Variants in SELPLG observed in about 807,000 individuals in gnomAD.
SELPLG encodes selectin P ligand.
SELPLG carries 2 observed loss-of-function variants against 1.1 expected under a neutral mutation model. That is an observed-to-expected ratio of 1.82 (90% CI 0.74 to 5.71). SELPLG has a LOEUF of 5.71. SELPLG is among the 30% of genes most tolerant of loss of function. The pLI is 0.05. For synonymous variants in SELPLG, 230 were observed against 221.2 expected, an observed-to-expected ratio of 1.04 and a Z score of -0.35; for missense variants, 478 against 524.7, an observed-to-expected ratio of 0.91 and a Z score of 0.87.
chr12:108,623,130 G>C lies in SELPLG; in HGVS notation c.1178C>G (p.Thr393Arg), dbSNP rs145775085. ...CTCACGGTCCTCCCTGGGCTCTGGC[G>C]TCAGGCCCGGGCTCTTGGCCTTGGA... ...GLSKAKSPGL[T>R]PEPREDREGD... Residue 393 changes from threonine to arginine, a missense_variant, in exon 2 of 2, where the codon ACG (threonine) becomes AGG (arginine). Physicochemically the swap from Thr to Arg is moderately conservative, Grantham distance 71 (BLOSUM62 -1). Coordinates refer to ENST00000550948, the MANE Select transcript of SELPLG (RefSeq NM_003006.4). 4 of 1,592,564 alleles carry C rather than the reference G, an allele frequency of 2.5e-6. No homozygotes were observed. Among genetic ancestry groups the C allele is most frequent in the Non-Finnish European group, 3.4e-6 (4 of 1,170,032 alleles).
intron 1 of SELPLG, among the ~76,000 whole-genome samples, chr12:108,628,072 C>A (rs1449596355): frequency 6.6e-6 from 1 of 151,894 alleles, no homozygotes; most frequent in African/African-American, 2.4e-5. Flanking sequence ...CAAAGCAAGA[C>A]CCTGCCTCAA....
chr12:108,629,583 C>T (rs2032007302), intron 1 of SELPLG, among the ~76,000 whole-genome samples: 2 of 152,174 alleles, frequency 1.3e-5, no homozygotes, highest in South Asian at 4.1e-4. Flanking sequence ...GCTGGTGATG[C>T]CTGTAGTCCC....
At chr12:108,628,212 G>A (rs8179159) in intron 1 of SELPLG, among the ~76,000 whole-genome samples, 590 of 152,172 alleles carry the variant, frequency 3.9e-3, no homozygotes, top group Non-Finnish European at 6.1e-3. Context: ...GCAGTGAGCC[G>A]AGATTGTACC....
In SELPLG at chr12:108,623,658, G is replaced by A; in HGVS notation, c.650C>T (p.Ala217Val). 8 of 1,533,684 alleles carry A rather than the reference G, an allele frequency of 5.2e-6. No individual in the cohort carries two copies. Among genetic ancestry groups the A allele is most frequent in the Non-Finnish European group, 7.0e-6 (8 of 1,144,968 alleles). ...TTGAGTGGTCTGTGCCTCCATGGCT[G>A]CTGGTGGAGTGGTCTGTGCTTCCAT... is the stretch of plus-strand genomic sequence containing the variant. ...AAMEAQTTPP[A>V]AMEAQTTQTT... Residue 217 changes from alanine (A) to valine (V), a missense_variant, in exon 2 of 2, where the codon GCA (alanine) becomes GTA (valine). Coordinates refer to ENST00000550948, the MANE Select transcript of SELPLG (RefSeq NM_003006.4).
chr12:108,623,554 G>C lies in SELPLG; in HGVS notation c.754C>G (p.Gln252Glu). Residue 252 changes from glutamine (Q) to glutamate (E), a missense_variant, in exon 2 of 2, where the codon CAG becomes GAG. Coordinates refer to ENST00000550948, the MANE Select transcript of SELPLG (RefSeq NM_003006.4). ...TCCATGGCTGCCAGTGGAGTGGTCT[G>C]TGCCTCCGTGGCTGTGGGTTGAGTG... Reference protein sequence around the residue: ...QTTQPTATEAQTTPLAAMEAL... With the variant: ...QTTQPTATEAETTPLAAMEAL... 1 of 1,614,032 alleles carries C rather than the reference G, an allele frequency of 6.2e-7. No homozygotes were observed. The highest frequency in any genetic ancestry group is 8.5e-7 in the Non-Finnish European group (1 of 1,179,890).
rs961317268 is a variant in SELPLG at position 108,622,431 on chromosome 12, A to C, written c.*638T>G. 1 of 152,382 alleles carries C rather than the reference A, an allele frequency of 6.6e-6. No homozygotes were observed. The highest frequency in any genetic ancestry group is 6.5e-5 in the Admixed American group (1 of 15,282). 9.4% of individuals were successfully genotyped at this position (152,382 alleles called of 1,614,324 possible). On this transcript the variant is annotated 3_prime_UTR_variant, in exon 2 of 2. Transcript: ENST00000550948. Reference sequence around the variant, plus strand: ...TAGATGGAAGCTCCTTGGTCCACACAGTCCCAAAGAAAGGTCTGCCCTTGG... The same window carrying C: ...TAGATGGAAGCTCCTTGGTCCACACCGTCCCAAAGAAAGGTCTGCCCTTGG...
At chr12:108,627,498 T>G (rs1382962397) in intron 1 of SELPLG, among the ~76,000 whole-genome samples, 1 of 152,218 alleles carries the variant, frequency 6.6e-6, no homozygotes, top group Non-Finnish European at 1.5e-5. Context: ...GATGTTCAAG[T>G]CCTAGCTCTG....
At chr12:108,630,352 G>A (rs1002908369) in intron 1 of SELPLG, among the ~76,000 whole-genome samples, 1 of 152,220 alleles carries the variant, frequency 6.6e-6, no homozygotes, top group Non-Finnish European at 1.5e-5. Context: ...AAAGATCCTC[G>A]TGGGGCTCCA....
At chr12:108,626,001 T>C (rs2031928860) in intron 1 of SELPLG, among the ~76,000 whole-genome samples, 1 of 152,160 alleles carries the variant, frequency 6.6e-6, no homozygotes, top group East Asian at 1.9e-4. Flanking sequence ...ATTCACATGA[T>C]TTGGAGGAAC....
intron 1 of SELPLG, 32 bp from the exon 2 acceptor site, chr12:108,624,344 A>C (rs1013092859): frequency 3.8e-6 from 6 of 1,598,586 alleles, no homozygotes; most frequent in Non-Finnish European, 5.1e-6. Flanking sequence ...AGGGATGTCA[A>C]GACAGTTTCA....
Position 108,623,197 on chromosome 12 carries a change from C to G in SELPLG, c.1111G>C (p.Asp371His), listed in dbSNP as rs1396765336. The G allele has an allele frequency of 6.2e-7, 1 of 1,613,976 alleles. No homozygotes were observed. The highest frequency in any genetic ancestry group is 1.7e-5 in the Admixed American group (1 of 59,986). ...GTGGCAGAGGGCCCCTCACCCCCATCAGGCAACAGGGATGAGATGCAGACC... is the reference window on the plus strand; with the variant it reads ...GTGGCAGAGGGCCCCTCACCCCCATGAGGCAACAGGGATGAGATGCAGACC... ...EMVCISSLLP[D>H]GGEGPSATAN... Residue 371 changes from aspartate (D) to histidine (H), a missense_variant, in exon 2 of 2, where the codon GAT becomes CAT. Coordinates refer to ENST00000550948, the MANE Select transcript of SELPLG (RefSeq NM_003006.4).
At chr12:108,629,562 T>C (rs2032006658) in intron 1 of SELPLG, among the ~76,000 whole-genome samples, 1 of 152,076 alleles carries the variant, frequency 6.6e-6, no homozygotes, top group Non-Finnish European at 1.5e-5. Context: ...AATTAAAAAT[T>C]AGCCAGGTAT....
At position 108,623,231 on chromosome 12, in the gene SELPLG, G is replaced by T. The variant is rs1486822656; in HGVS notation, c.1077C>A (p.Pro359=). 6.2e-7 allele frequency: 1 copy of T among 1,614,096 alleles called. No homozygotes were observed. Among genetic ancestry groups the T allele is most frequent in the Non-Finnish European group, 8.5e-7 (1 of 1,179,966 alleles). ...GGGATGAGATGCAGACCATCTCGGTGGGGGAGTAATTACGCACGGGGTACA... is the reference window on the plus strand; with the variant it reads ...GGGATGAGATGCAGACCATCTCGGTTGGGGAGTAATTACGCACGGGGTACA... ...GHMYPVRNYS[P]TEMVCISSLL... is the part of the protein sequence containing the mutation. Residue 359 remains proline, a synonymous_variant, in exon 2 of 2, where the codon CCC becomes CCA. Transcript: ENST00000550948.
At chr12:108,628,615 A>G (rs959345766) in intron 1 of SELPLG, 9 of 152,292 alleles carry the variant, frequency 5.9e-5, no homozygotes, top group African/African-American at 2.2e-4. Flanking sequence ...AGGTGGGGGC[A>G]AAGTTGCAAG....
chr12:108,629,819 G>A (rs762313433), intron 1 of SELPLG, among the ~76,000 whole-genome samples: 103 of 152,316 alleles, frequency 6.8e-4, no homozygotes, highest in African/African-American at 2.2e-3. Flanking sequence ...TTTTCTCACC[G>A]TGTATGGCAG....
Sources: allele counts gnomAD v4.1 joint callset (sites outside exome capture counted in the v4.1 genomes callset), GRCh38; gene constraint gnomAD v4.1.1; transcripts MANE v1.5; gene names NCBI Gene and HGNC (gene_info 2026-07-23, HGNC 2026-07-21).